Variants in ROBO2 observed in about 807,000 individuals in gnomAD.
ROBO2 encodes roundabout guidance receptor 2.
ROBO2 carries 53 observed loss-of-function variants against 160.8 expected under a neutral mutation model. The observed-to-expected ratio is 0.33, with a 90% confidence interval of 0.26 to 0.41. The LOEUF (loss-of-function observed/expected upper bound fraction) is 0.41, where lower values mean the gene tolerates loss of function less well. Among genes scored for constraint, ROBO2 ranks in the 10% least tolerant of loss-of-function variants. The pLI is 1.00. For synonymous variants in ROBO2, 664 were observed against 611.7 expected (o/e 1.09, Z -1.26); for missense variants, 1,577 against 1,722.4 (o/e 0.92, Z 1.49).
chr3:76,589,190 T>C (rs887637682), intron 2 of ROBO2, among the ~76,000 whole-genome samples: 3 of 152,202 alleles, frequency 2.0e-5, no homozygotes, highest in Non-Finnish European at 4.4e-5. Flanking sequence ...ACAATATATA[T>C]GGATATCAAA....
intron 2 of ROBO2, among the ~76,000 whole-genome samples, chr3:75,938,774 A>T (rs1476603930): frequency 2.0e-5 from 3 of 152,186 alleles, no homozygotes; most frequent in African/African-American, 7.2e-5. Flanking sequence ...TTGTATATGA[A>T]TAGTTGTATA....
At chr3:76,815,457 G>C (rs2065582312) in intron 2 of ROBO2, among the ~76,000 whole-genome samples, 1 of 151,168 alleles carries the variant, frequency 6.6e-6, no homozygotes, top group South Asian at 2.1e-4. Context: ...AAAAAAAAAA[G>C]TGTTAACAGA....
At chr3:76,273,319 G>T (rs1301729180) in intron 2 of ROBO2, among the ~76,000 whole-genome samples, 1 of 151,140 alleles carries the variant, frequency 6.6e-6, no homozygotes, top group Non-Finnish European at 1.5e-5. Context: ...AGAATAATAA[G>T]ATTTTGACTC....
At chr3:76,633,893 C>T (rs189439352) in intron 2 of ROBO2, among the ~76,000 whole-genome samples, 18 of 152,262 alleles carry the variant, frequency 1.2e-4, no homozygotes, top group Non-Finnish European at 2.5e-4. Context: ...CACTGATAAC[C>T]CCAACAAGCG....
chr3:76,600,804 T>G (rs2087085169), intron 2 of ROBO2, among the ~76,000 whole-genome samples: 1 of 152,176 alleles, frequency 6.6e-6, no homozygotes, highest in African/African-American at 2.4e-5. Flanking sequence ...AAACCCATCA[T>G]GCCTTCCCAC....
intron 4 of ROBO2, among the ~76,000 whole-genome samples, chr3:77,482,878 T>C (rs937291504): frequency 2.0e-5 from 3 of 152,086 alleles, no homozygotes; most frequent in African/African-American, 7.2e-5. Flanking sequence ...AAAAAAGCTA[T>C]ATTACTGCAG....
intron 2 of ROBO2, among the ~76,000 whole-genome samples, chr3:77,252,831 A>AAAAAAAATATAT: frequency 1.6e-4 from 2 of 12,520 alleles, no homozygotes; most frequent in African/African-American, 3.2e-4. Flanking sequence ...AAAAAAAAAA[A>AAAAAAAATATAT]ATATATATAT....
chr3:76,810,308 AC>A (rs2065062215), intron 2 of ROBO2, among the ~76,000 whole-genome samples: 1 of 152,150 alleles, frequency 6.6e-6, no homozygotes, highest in Admixed American at 6.5e-5. Context: ...TCAGAGGCAC[AC>A]CCAGTTCGCC....
At chr3:76,549,073 C>A (rs1250711937) in intron 2 of ROBO2, among the ~76,000 whole-genome samples, 1 of 152,044 alleles carries the variant, frequency 6.6e-6, no homozygotes, top group East Asian at 1.9e-4. Context: ...GTTTATGATA[C>A]TGATCACAAA....
At chr3:76,027,409 A>G (rs2066780917) in intron 2 of ROBO2, among the ~76,000 whole-genome samples, 1 of 151,826 alleles carries the variant, frequency 6.6e-6, no homozygotes, top group African/African-American at 2.4e-5. Context: ...GTAGGCATGC[A>G]ATGCTTTTAA....
intron 2 of ROBO2, among the ~76,000 whole-genome samples, chr3:76,520,020 T>C (rs2081522958): frequency 6.6e-6 from 1 of 152,118 alleles, no homozygotes; most frequent in Non-Finnish European, 1.5e-5. Flanking sequence ...ATAATCACAA[T>C]ATAAATACCT....
intron 2 of ROBO2, among the ~76,000 whole-genome samples, chr3:76,362,488 A>G (rs186452263): frequency 1.3e-5 from 2 of 152,216 alleles, no homozygotes; most frequent in East Asian, 3.9e-4. Context: ...AGGCCTAGTA[A>G]TCACTAATCA....
chr3:77,345,941 A>G (rs552392497), intron 2 of ROBO2, among the ~76,000 whole-genome samples: 1 of 152,258 alleles, frequency 6.6e-6, no homozygotes, highest in South Asian at 2.1e-4. Flanking sequence ...GGCGGCTAAG[A>G]TGGTACATCC....
chr3:77,209,743 T>C (rs1295418200), intron 2 of ROBO2, among the ~76,000 whole-genome samples: 1 of 152,186 alleles, frequency 6.6e-6, no homozygotes, highest in Non-Finnish European at 1.5e-5. Context: ...TTGAAGTAGA[T>C]AGTAGATCCA....
intron 1 of ROBO2, among the ~76,000 whole-genome samples, chr3:75,917,317 C>G (rs1194457422): frequency 3.3e-5 from 5 of 152,108 alleles, no homozygotes; most frequent in African/African-American, 7.2e-5. Flanking sequence ...TGTTAGTTTG[C>G]TGAGGATGAT....
intron 2 of ROBO2, among the ~76,000 whole-genome samples, chr3:76,150,044 A>G (rs2072108647): frequency 7.1e-6 from 1 of 140,292 alleles, no homozygotes; most frequent in Non-Finnish European, 1.5e-5. Flanking sequence ...ACATCTGTCT[A>G]AAGCACACCT....
chr3:77,551,866 G>T (rs1424519857), intron 8 of ROBO2, among the ~76,000 whole-genome samples: 1 of 151,948 alleles, frequency 6.6e-6, no homozygotes, highest in Admixed American at 6.6e-5. Flanking sequence ...AGATTAAAAG[G>T]TCATTTAAAA....
intron 2 of ROBO2, among the ~76,000 whole-genome samples, chr3:76,937,101 A>G (rs2077754819): frequency 6.6e-6 from 1 of 152,154 alleles, no homozygotes; most frequent in Non-Finnish European, 1.5e-5. Flanking sequence ...AGTAAACACC[A>G]CAAGTGAAGG....
At chr3:77,441,666 A>G (rs1231171832) in intron 2 of ROBO2, among the ~76,000 whole-genome samples, 1 of 152,200 alleles carries the variant, frequency 6.6e-6, no homozygotes, top group East Asian at 1.9e-4. Flanking sequence ...AAGAAAAATG[A>G]TCACACAGAG....
Sources: allele counts gnomAD v4.1 joint callset (sites outside exome capture counted in the v4.1 genomes callset), GRCh38; gene constraint gnomAD v4.1.1; transcripts MANE v1.5; gene names NCBI Gene and HGNC (gene_info 2026-07-23, HGNC 2026-07-21).